The following MYO1C variants were observed in gnomAD, a reference collection of about 807,000 sequenced individuals.
The protein encoded by MYO1C is myosin IC.
Under a neutral mutation model 150.8 loss-of-function variants are expected in MYO1C, and 104 were observed. The ratio of observed to expected loss-of-function variants is 0.69; its 90% confidence interval spans 0.59 to 0.81. The LOEUF (loss-of-function observed/expected upper bound fraction) is 0.81. Among genes scored for constraint, MYO1C ranks in the 30% least tolerant of loss-of-function variants. MYO1C has a pLI of 0.00. For missense variants in MYO1C, 1,504 were observed against 1,435.0 expected, an observed-to-expected ratio of 1.05 and a Z score of -0.78; for synonymous variants, 663 against 579.9, an observed-to-expected ratio of 1.14 and a Z score of -2.06.
intron 17 of MYO1C, 112 bp from the exon 18 acceptor site, chr17:1,472,340 T>C (rs1598327804): frequency 1.1e-6 from 1 of 892,642 alleles, no homozygotes; most frequent in East Asian, 2.6e-5. Context: ...CCTCTGATTC[T>C]GCCTGGTCCT....
In MYO1C at chr17:1,468,408, C is replaced by T. The variant is rs534524114; in HGVS notation, c.2699G>A (p.Arg900Gln). The change falls in exon 26 of 32, where the codon CGG becomes CAG. Residue 900 changes from arginine to glutamine, a missense_variant. Arg to Gln is a conservative substitution (Grantham distance 43). Coordinates refer to ENST00000648651, the MANE Select transcript of MYO1C (RefSeq NM_001080779.2). ...QSVPRLFIST[R>Q]LGTDEISPRV... ...CTGGAAAGTCAGGGGCTCACCAAGC[C>T]GAGTGCTGATGAAGAGCCTGGGTAC... is the stretch of plus-strand genomic sequence containing the variant. 5 of 1,613,980 alleles carry T rather than the reference C, an allele frequency of 3.1e-6. No homozygotes were observed. Among genetic ancestry groups the T allele is most frequent in the South Asian group, 1.1e-5 (1 of 91,066 alleles).
At chr17:1,486,223 G>A (rs1410987553) in intron 1 of MYO1C, 1 of 152,090 alleles carries the variant, frequency 6.6e-6, no homozygotes, top group Non-Finnish European at 1.5e-5. Flanking sequence ...CCGGCGGGCG[G>A]AGCGTTCTCC....
chr17:1,472,205 G>A lies in MYO1C; in HGVS notation c.1821C>T (p.Ser607=), dbSNP rs747635392. The A allele has an allele frequency of 5.2e-5, 84 of 1,614,040 alleles. No individual in the cohort carries two copies. Among genetic ancestry groups the A allele is most frequent in the Non-Finnish European group, 6.5e-5 (77 of 1,180,014 alleles). The change falls in exon 18 of 32, where the codon AGC becomes AGT. Residue 607 remains serine (S), a synonymous_variant. Transcript: ENST00000648651. ...GCAGGATCTCCACCAGCTGCAGGAG[G>A]CTCATCTTGAACTGGGTGGCGACCT... ...PETVATQFKM[S]LLQLVEILQS... is the part of the protein sequence containing the mutation.
At chr17:1,483,808 C>A in intron 2 of MYO1C, 83 bp from the exon 3 acceptor site, 1 of 1,119,978 alleles carries the variant, frequency 8.9e-7, no homozygotes, top group Non-Finnish European at 1.3e-6. Flanking sequence ...CTTTGGGAGG[C>A]CAAGGTGGGC....
At chr17:1,481,204 G>T in intron 5 of MYO1C, 1 of 391,842 alleles carries the variant, frequency 2.6e-6, no homozygotes, top group South Asian at 2.5e-5. Context: ...GCCCTCCTTG[G>T]TCAGTGGTGA....
rs1567525463 is a variant in MYO1C, at chr17:1,478,018, C to T, written c.1402-47G>A. The stretch of plus-strand genomic sequence containing the variant: ...AGGGATCACCGTGGGGTCCTGGCAC[C>T]CTCTCCCAGGGGCCCCGATACCCAG... On this transcript the variant is annotated intron_variant, in intron 12 of 31. Transcript: ENST00000648651. The surrounding 1 kb of genome is among the most constrained non-coding windows in gnomAD (Gnocchi z 6.3). 3 of 1,612,002 alleles carry T rather than the reference C, an allele frequency of 1.9e-6. No homozygotes were observed. The highest frequency in any genetic ancestry group is 1.7e-6 in the Non-Finnish European group (2 of 1,178,092).
intron 1 of MYO1C, among the ~76,000 whole-genome samples, chr17:1,488,961 T>C (rs1419309196): frequency 3.3e-5 from 5 of 152,188 alleles, no homozygotes; most frequent in Non-Finnish European, 7.3e-5. Context: ...GCCTGACTTC[T>C]GCGGACAGCG....
chr17:1,470,549 C>T, intron 22 of MYO1C, 30 bp from the exon 23 acceptor site: 1 of 1,562,350 alleles, frequency 6.4e-7, no homozygotes, highest in Non-Finnish European at 8.7e-7. Flanking sequence ...TGGCTGAACT[C>T]TATCTTCTTA....
At chr17:1,488,493 C>T (rs922145925) in intron 1 of MYO1C, among the ~76,000 whole-genome samples, 2 of 152,248 alleles carry the variant, frequency 1.3e-5, no homozygotes, top group African/African-American at 4.8e-5. Context: ...TGGGTTACTC[C>T]TTTCAGTGAC....
At chr17:1,475,486 G>A (rs941010872) in intron 14 of MYO1C, among the ~76,000 whole-genome samples, 20 of 152,190 alleles carry the variant, frequency 1.3e-4, no homozygotes, top group African/African-American at 4.6e-4. Flanking sequence ...TGGAGGCTCA[G>A]AGAGGTAGAT....
chr17:1,480,612 T>G lies in MYO1C; in HGVS notation c.821A>C (p.Lys274Thr). 2.5e-6 allele frequency: 4 copies of G among 1,614,116 alleles called. No individual in the cohort carries two copies. The highest frequency in any genetic ancestry group is 3.4e-6 in the Non-Finnish European group (4 of 1,180,012). Residue 274 changes from lysine to threonine, a missense_variant, in exon 7 of 32, where the codon AAA (lysine) becomes ACA (threonine). Coordinates refer to ENST00000648651, the MANE Select transcript of MYO1C (RefSeq NM_001080779.2). ...YLYLVKGQCA[K>T]VSSINDKSDW... Reference sequence around the variant, plus strand: ...ACTCTTGTCGTTGATGGAGGAGACTTTGGCACACTGGCCCTGGAGGAAGGG... The same window carrying G: ...ACTCTTGTCGTTGATGGAGGAGACTGTGGCACACTGGCCCTGGAGGAAGGG...
chr17:1,480,831 C>A lies in MYO1C; in HGVS notation c.682G>T (p.Val228Leu). The change falls in exon 6 of 32, where the codon GTG becomes TTG. Residue 228 changes from valine to leucine, a missense_variant. Val to Leu is a conservative substitution (Grantham distance 32). Coordinates refer to ENST00000648651, the MANE Select transcript of MYO1C (RefSeq NM_001080779.2). The part of the protein sequence containing the change: ...LSYLLEKSRV[V>L]HQNHGERNFH... ...TTCCGCTCCCCATGATTCTGGTGCA[C>A]CACTCGTGACTTTTCCAGGAGGTAA... 6.2e-7 allele frequency: 1 copy of A among 1,614,166 alleles called. No homozygotes were observed. The highest frequency in any genetic ancestry group is 8.5e-7 in the Non-Finnish European group (1 of 1,180,026).
chr17:1,478,523 C>A lies in MYO1C; in HGVS notation c.1213-31G>T, dbSNP rs775159227. On this transcript the variant is annotated intron_variant, in intron 10 of 31. Transcript: ENST00000648651. This position sits in a 1 kb window ranked among gnomAD's most constrained non-coding sequence, Gnocchi z 6.3. ...GCAGTCATTCAACCGAAGGCGTGGG[C>A]CCCCTGCGCGTGCCAGCCCCACCCT... 4.3e-6 allele frequency: 7 copies of A among 1,613,656 alleles called. No individual in the cohort carries two copies. In the Admixed American group the frequency reaches 1.2e-4, roughly 27 times the overall value.
intron 21 of MYO1C, 25 bp from the exon 22 acceptor site, chr17:1,470,714 T>C (rs993649583): frequency 1.3e-6 from 2 of 1,595,268 alleles, no homozygotes; most frequent in Admixed American, 1.7e-5. Context: ...GAAAGGCAAT[T>C]GGCCAGAGCG....
intron 5 of MYO1C, 144 bp from the exon 6 acceptor site, chr17:1,481,029 C>T: frequency 1.3e-6 from 1 of 757,136 alleles, no homozygotes; most frequent in South Asian, 1.7e-5. Context: ...TCGGCTCAGG[C>T]ACGCCACCCA....
At position 1,474,842 on chromosome 17, in the gene MYO1C, G is replaced by C; in HGVS notation, c.1686C>G (p.Asn562Lys). The C allele has an allele frequency of 6.2e-7, 1 of 1,613,800 alleles. No individual in the cohort carries two copies. The highest frequency in any genetic ancestry group is 1.6e-4 in the Middle Eastern group (1 of 6,062). ...TYSVTGFLDK[N>K]NDLLFRNLKE... ...TAAGGTTCCGGAAGAGAAGGTCATT[G>C]TTTTTGTCCAGAAACCCTGGGAGGG... Residue 562 changes from asparagine (N) to lysine (K), a missense_variant, in exon 16 of 32, where the codon AAC (asparagine) becomes AAG (lysine). Asn to Lys is a moderately conservative substitution (Grantham distance 94). Coordinates refer to ENST00000648651, the MANE Select transcript of MYO1C (RefSeq NM_001080779.2).
chr17:1,485,054 G>A, intron 1 of MYO1C: 1 of 1,197,396 alleles, frequency 8.4e-7, no homozygotes, highest in Non-Finnish European at 1.1e-6. Context: ...CTTTCCTCCA[G>A]CTGCTGGGCT....
chr17:1,474,131 A>G (rs983986726), intron 17 of MYO1C, among the ~76,000 whole-genome samples: 9 of 151,958 alleles, frequency 5.9e-5, no homozygotes, highest in African/African-American at 1.9e-4. Flanking sequence ...ACACACACAC[A>G]AGTAGGCAAA....
chr17:1,481,377 T>C (rs1019243722), intron 5 of MYO1C: 3 of 173,182 alleles, frequency 1.7e-5, no homozygotes, highest in Admixed American at 1.7e-4. Context: ...CACACTGGTC[T>C]GAGCCAATGT....
Sources: gnomAD v4.1 joint callset for allele counts (sites outside exome capture counted in the v4.1 genomes callset) on GRCh38, gnomAD v4.1.1 for gene constraint, Gnocchi (gnomAD v3.1) non-coding constraint, MANE v1.5 for transcripts, NCBI Gene and HGNC (gene_info 2026-07-23, HGNC 2026-07-21) for gene names.